The following PARD3 variants were observed in gnomAD, a reference collection of about 807,000 sequenced individuals.
The protein encoded by PARD3 is partitioning defective 3 homolog.
In PARD3, 75 loss-of-function variants were observed where a neutral mutation model predicts 155.4. The observed-to-expected ratio is 0.48, with a 90% CI of 0.40 to 0.58. The LOEUF is 0.58. PARD3 is among the 20% of genes least tolerant of loss of function. PARD3 has a pLI of 0.00. For missense variants in PARD3, 1,642 were observed against 1,721.7 expected, an observed-to-expected ratio of 0.95 and a Z score of 0.82; for synonymous variants, 576 against 610.5, an observed-to-expected ratio of 0.94 and a Z score of 0.83.
chr10:34,652,599 C>A (rs1441973397), intron 2 of PARD3, among the ~76,000 whole-genome samples: 1 of 152,092 alleles, frequency 6.6e-6, no homozygotes. Flanking sequence ...GATGGATCGG[C>A]CTCACATAAA....
chr10:34,317,868 G>C (rs1958106608), intron 19 of PARD3, among the ~76,000 whole-genome samples: 1 of 152,170 alleles, frequency 6.6e-6, no homozygotes, highest in Admixed American at 6.5e-5. Context: ...TCACACAGAA[G>C]AGCAGATTAT....
chr10:34,454,423 G>A (rs1478526250), intron 4 of PARD3, among the ~76,000 whole-genome samples: 1 of 151,246 alleles, frequency 6.6e-6, no homozygotes, highest in Non-Finnish European at 1.5e-5. Context: ...GAAAATATTT[G>A]CTTTAGCATA....
chr10:34,754,510 C>A (rs1002603961), intron 1 of PARD3, among the ~76,000 whole-genome samples: 2 of 152,180 alleles, frequency 1.3e-5, no homozygotes, highest in African/African-American at 4.8e-5. Context: ...CGTGTACACA[C>A]CCACATGGCT....
At chr10:34,514,884 T>G (rs1483384827) in intron 3 of PARD3, among the ~76,000 whole-genome samples, 3 of 152,198 alleles carry the variant, frequency 2.0e-5, no homozygotes, top group Non-Finnish European at 2.9e-5. Flanking sequence ...TTCTAATATT[T>G]TTTATGGTGT....
intron 3 of PARD3, chr10:34,488,897 T>A: frequency 6.5e-6 from 1 of 152,714 alleles, no homozygotes; most frequent in Non-Finnish European, 1.5e-5. Context: ...TGTGGCCACC[T>A]CTCCCTTCAG....
In PARD3 at chr10:34,516,423, G is replaced by C. The variant is rs144498145; in HGVS notation, c.403+556C>G. Among the ~76,000 whole-genome samples the C allele has an allele frequency of 5.9e-3, 895 of 152,270 alleles. 8 individuals carry two copies. The highest frequency in any genetic ancestry group is 0.02 in the African/African-American group (848 of 41,546). ...ATGGCTAACAGAACTCTTCAGGCAA[G>C]TATCCCAGATCTGGAATACCCAGGG... On this transcript the variant is annotated intron_variant, in intron 3 of 24. Coordinates refer to ENST00000374788, the MANE Select transcript of PARD3 (RefSeq NM_001184785.2).
chr10:34,278,429 A>G (rs1423532305), intron 21 of PARD3, among the ~76,000 whole-genome samples: 1 of 152,126 alleles, frequency 6.6e-6, no homozygotes, highest in Non-Finnish European at 1.5e-5. Flanking sequence ...GACTTATACT[A>G]TCTGATATGG....
intron 19 of PARD3, 126 bp downstream of exon 19, chr10:34,330,991 T>TA: frequency 1.5e-6 from 1 of 675,018 alleles, no homozygotes; most frequent in Non-Finnish European, 2.5e-6. Flanking sequence ...AATAAGAGAT[T>TA]ATTAGACCTC....
intron 2 of PARD3, among the ~76,000 whole-genome samples, chr10:34,607,885 C>T (rs1350246372): frequency 2.0e-5 from 3 of 152,168 alleles, no homozygotes; most frequent in African/African-American, 7.2e-5. Flanking sequence ...ATACCACCCA[C>T]CCTGGCATCA....
At chr10:34,562,160 T>G in intron 2 of PARD3, among the ~76,000 whole-genome samples, 1 of 127,378 alleles carries the variant, frequency 7.9e-6, no homozygotes, top group African/African-American at 3.0e-5. Flanking sequence ...AAAGGCTTGT[T>G]GGGGGGTGGC....
chr10:34,153,739 C>A (rs2132982680), intron 22 of PARD3, among the ~76,000 whole-genome samples: 1 of 152,258 alleles, frequency 6.6e-6, no homozygotes, highest in East Asian at 1.9e-4. Context: ...GAACTGCAGA[C>A]AAAACACCAA....
rs772879559 is a variant in PARD3 at position 34,348,077 on chromosome 10, G to C, written c.2106C>G (p.Pro702=). Residue 702 remains proline (P), a synonymous_variant, in exon 15 of 25, where the codon CCC becomes CCG. Coordinates refer to ENST00000374788, the MANE Select transcript of PARD3 (RefSeq NM_001184785.2). Reference sequence around the variant, plus strand: ...CTCTATCATCCAACGCTGTTTCAATGGGCAGCTCAGGTCCAGGGGGGCTCC... The same window carrying C: ...CTCTATCATCCAACGCTGTTTCAATCGGCAGCTCAGGTCCAGGGGGGCTCC... ...SPGSPPGPEL[P]IETALDDRER... 3.7e-6 allele frequency: 6 copies of C among 1,612,166 alleles called. No individual in the cohort carries two copies. Among genetic ancestry groups the C allele is most frequent in the Non-Finnish European group, 5.1e-6 (6 of 1,179,222 alleles).
intron 14 of PARD3, among the ~76,000 whole-genome samples, chr10:34,355,957 C>CAAAA (rs373557132): frequency 0.015 from 1,388 of 92,030 alleles, 16 homozygotes; most frequent in Middle Eastern, 0.03. Context: ...CAAAACAAAA[C>CAAAA]CAAACAAAAA....
intron 24 of PARD3, among the ~76,000 whole-genome samples, chr10:34,118,874 G>A (rs1379077338): frequency 6.6e-6 from 1 of 152,164 alleles, no homozygotes; most frequent in Non-Finnish European, 1.5e-5. Flanking sequence ...CCTGTTTTGG[G>A]AAGTTTAAAA....
intron 12 of PARD3, among the ~76,000 whole-genome samples, chr10:34,370,845 T>TGTAA (rs1554841018): frequency 4.5e-4 from 66 of 147,476 alleles, no homozygotes; most frequent in Admixed American, 1.3e-3. Context: ...TGTGTGTGTG[T>TGTAA]GTAAATGACT....
At chr10:34,729,294 G>T (rs2094774385) in intron 1 of PARD3, among the ~76,000 whole-genome samples, 1 of 152,172 alleles carries the variant, frequency 6.6e-6, no homozygotes, top group Admixed American at 6.5e-5. Context: ...ACTTTGGGAG[G>T]TTGAGGTGGG....
At chr10:34,390,868 C>T (rs1399126623) in intron 7 of PARD3, among the ~76,000 whole-genome samples, 1 of 152,178 alleles carries the variant, frequency 6.6e-6, no homozygotes, top group Non-Finnish European at 1.5e-5. Flanking sequence ...GCAACTTGTA[C>T]ACTTTTAACG....
At chr10:34,745,646 T>G (rs1835215300) in intron 1 of PARD3, among the ~76,000 whole-genome samples, 1 of 152,108 alleles carries the variant, frequency 6.6e-6, no homozygotes, top group African/African-American at 2.4e-5. Flanking sequence ...CTTCTATTGC[T>G]TAAAAAATTG....
At chr10:34,539,636 C>T (rs484833) in intron 2 of PARD3, among the ~76,000 whole-genome samples, 59,222 of 152,108 alleles carry the variant, frequency 0.39, 11,688 homozygotes, top group South Asian at 0.45. Flanking sequence ...ACTCCAGTTT[C>T]GGTGACACAG....
Sources: allele counts gnomAD v4.1 joint callset (sites outside exome capture counted in the v4.1 genomes callset), GRCh38; gene constraint gnomAD v4.1.1; transcripts MANE v1.5; gene names NCBI Gene and HGNC (gene_info 2026-07-23, HGNC 2026-07-21).